TTC7A: variants seen among roughly 807,000 people sequenced by gnomAD.
TTC7A encodes the protein tetratricopeptide repeat protein 7A.
In TTC7A, 110 loss-of-function variants were observed where a neutral mutation model predicts 103.7. That is an observed-to-expected ratio of 1.06 (90% CI 0.91 to 1.24). The LOEUF is 1.24. Ranked by LOEUF, TTC7A falls within the 50% of genes most tolerant of loss-of-function variation. The probability of loss-of-function intolerance (pLI) is 0.00; values close to 1 mark genes in which losing one functional copy is unlikely to be tolerated. For synonymous variants in TTC7A, 521 were observed against 467.9 expected (o/e 1.11, Z -1.47); for missense variants, 1,340 against 1,116.3 (o/e 1.20, Z -2.86).
chr2:46,918,432 C>G (rs978709368), intron 2 of TTC7A, among the ~76,000 whole-genome samples: 1 of 152,208 alleles, frequency 6.6e-6, no homozygotes, highest in African/African-American at 2.4e-5. Context: ...AACTGACCGT[C>G]CTGCTTCCAT....
At chr2:47,064,214 G>A (rs958382568) in intron 19 of TTC7A, among the ~76,000 whole-genome samples, 12 of 152,220 alleles carry the variant, frequency 7.9e-5, no homozygotes, top group African/African-American at 2.4e-4. Context: ...GCTGGCTGCC[G>A]TCTGTGCCAG....
At chr2:46,976,984 G>T (rs1673945991) in intron 4 of TTC7A, among the ~76,000 whole-genome samples, 1 of 152,184 alleles carries the variant, frequency 6.6e-6, no homozygotes. Context: ...AGGGGGAATG[G>T]GTCACTGCTA....
rs905368797 is a variant in TTC7A, at chr2:47,060,987, C to A, written c.2355+16C>A. 6.3e-7 allele frequency: 1 copy of A among 1,577,214 alleles called. No individual in the cohort carries two copies. Among genetic ancestry groups the A allele is most frequent in the Non-Finnish European group, 8.6e-7 (1 of 1,159,056 alleles). ...GCATAGCCTGGTGAGTCAGAGCCCCCCGCGCTCCCACCACCTCCTCCCACA... is the reference window on the plus strand; with the variant it reads ...GCATAGCCTGGTGAGTCAGAGCCCCACGCGCTCCCACCACCTCCTCCCACA... On this transcript the variant is annotated intron_variant, in intron 19 of 19. Coordinates refer to ENST00000319190, the MANE Select transcript of TTC7A (RefSeq NM_020458.4).
At chr2:47,049,694 A>G (rs1438827365) in intron 16 of TTC7A, among the ~76,000 whole-genome samples, 2 of 151,976 alleles carry the variant, frequency 1.3e-5, no homozygotes, top group African/African-American at 4.8e-5. Flanking sequence ...TTCAGAGAAG[A>G]TAGTAGGGAG....
intron 19 of TTC7A, among the ~76,000 whole-genome samples, chr2:47,064,342 C>T (rs1262429555): frequency 2.0e-5 from 3 of 152,194 alleles, no homozygotes; most frequent in African/African-American, 7.2e-5. Flanking sequence ...CCAGTGTGGT[C>T]CCAGACTTCT....
intron 5 of TTC7A, among the ~76,000 whole-genome samples, chr2:46,982,922 C>A (rs958777902): frequency 6.6e-6 from 1 of 151,730 alleles, no homozygotes; most frequent in African/African-American, 2.4e-5. Context: ...AGCCATGATC[C>A]CACCACTGCA....
At chr2:47,003,600 AG>A (rs1487632864) in intron 8 of TTC7A, among the ~76,000 whole-genome samples, 1 of 152,204 alleles carries the variant, frequency 6.6e-6, no homozygotes, top group Non-Finnish European at 1.5e-5. Flanking sequence ...ACAGACAGGC[AG>A]GAGGGTCCCC....
chr2:46,954,402 A>T (rs1000198932), intron 2 of TTC7A, among the ~76,000 whole-genome samples: 1 of 152,098 alleles, frequency 6.6e-6, no homozygotes, highest in Non-Finnish European at 1.5e-5. Flanking sequence ...ATTCAAATGC[A>T]TGGGCCCCAC....
At chr2:46,960,250 A>C (rs1672250592) in intron 3 of TTC7A, among the ~76,000 whole-genome samples, 1 of 152,092 alleles carries the variant, frequency 6.6e-6, no homozygotes, top group Non-Finnish European at 1.5e-5. Context: ...CATCATATTG[A>C]CCTGTTGCTC....
At chr2:47,010,010 G>A (rs938194456) in intron 10 of TTC7A, among the ~76,000 whole-genome samples, 3 of 151,688 alleles carry the variant, frequency 2.0e-5, no homozygotes, top group Admixed American at 1.3e-4. Context: ...GCCAGGCTAC[G>A]TTCAAACCTC....
chr2:46,932,793 C>G (rs1289898956), intron 2 of TTC7A, among the ~76,000 whole-genome samples: 3 of 150,206 alleles, frequency 2.0e-5, no homozygotes, highest in African/African-American at 7.4e-5. Flanking sequence ...CCCAGCTACT[C>G]AAGCAGCTGA....
chr2:47,047,501 A>C (rs1422678418), intron 16 of TTC7A, among the ~76,000 whole-genome samples: 1 of 152,248 alleles, frequency 6.6e-6, no homozygotes, highest in African/African-American at 2.4e-5. Context: ...AGCTGGATGC[A>C]TGAAGCCAAG....
intron 18 of TTC7A, among the ~76,000 whole-genome samples, chr2:47,060,403 GC>G (rs1683671995): frequency 6.6e-6 from 1 of 152,034 alleles, no homozygotes; most frequent in Non-Finnish European, 1.5e-5. Flanking sequence ...TAAAAAAAAG[GC>G]TGCAGTGAGC....
intron 15 of TTC7A, among the ~76,000 whole-genome samples, chr2:47,039,967 G>C (rs1681556327): frequency 6.6e-6 from 1 of 152,226 alleles, no homozygotes; most frequent in South Asian, 2.1e-4. Context: ...CCCTGGTTCA[G>C]CAGGGGCTGA....
intron 16 of TTC7A, chr2:47,047,359 C>T: frequency 6.7e-7 from 1 of 1,500,302 alleles, no homozygotes; most frequent in Non-Finnish European, 9.1e-7. Flanking sequence ...GAGTAAAACA[C>T]CTTGGGCAAA....
At chr2:46,994,182 T>G (rs1271558371) in intron 6 of TTC7A, 175 bp from the exon 7 acceptor site, 6 of 681,808 alleles carry the variant, frequency 8.8e-6, no homozygotes, top group Non-Finnish European at 1.5e-5. Context: ...AGCGCCAGTG[T>G]TGGAGGGACT....
At chr2:46,974,872 G>C (rs1203122193) in intron 3 of TTC7A, 101 bp from the exon 4 acceptor site, 60 of 1,509,138 alleles carry the variant, frequency 4.0e-5, no homozygotes, top group Admixed American at 5.5e-5. Flanking sequence ...CTGCACCAGA[G>C]TGTCTGCCCC....
rs756451881 is a variant in TTC7A, at chr2:47,073,941, G to C, written c.*18G>C. ...AGCTCTGACGACGCTGCAGCCGCAG[G>C]GAGGGAGGGGCTGGCCAGAGGGAGA... On this transcript the variant is annotated 3_prime_UTR_variant, in exon 20 of 20. Transcript: ENST00000319190. 1 of 1,598,652 alleles carries C rather than the reference G, an allele frequency of 6.3e-7. No homozygotes were observed. Among genetic ancestry groups the C allele is most frequent in the Admixed American group, 1.7e-5 (1 of 59,330 alleles).
intron 9 of TTC7A, 25 bp from the exon 10 acceptor site, chr2:47,006,616 A>T: frequency 6.2e-7 from 1 of 1,604,864 alleles, no homozygotes; most frequent in Non-Finnish European, 8.5e-7. Flanking sequence ...CTGGTGGGTA[A>T]ATGCTGACTA....
Sources: allele counts gnomAD v4.1 joint callset (sites outside exome capture counted in the v4.1 genomes callset), GRCh38; gene constraint gnomAD v4.1.1; transcripts MANE v1.5; gene names NCBI Gene and HGNC (gene_info 2026-07-23, HGNC 2026-07-21).